ANO3: variants seen among roughly 807,000 people sequenced by gnomAD.
The protein encoded by ANO3 is anoctamin 3, also known as anoctamin-3.
ANO3 carries 99 observed loss-of-function variants against 144.8 expected under a neutral mutation model. The ratio of observed to expected loss-of-function variants is 0.68; its 90% CI spans 0.58 to 0.81. ANO3 has a LOEUF of 0.81. Ranked by LOEUF, ANO3 falls within the 30% of genes least tolerant of loss-of-function variation. ANO3 has a pLI of 0.00. For synonymous variants in ANO3, 414 were observed against 392.6 expected, an observed-to-expected ratio of 1.05 and a Z score of -0.64; for missense variants, 905 against 1,202.2, an observed-to-expected ratio of 0.75 and a Z score of 3.66.
At chr11:26,592,407 C>T (rs937194930) in intron 14 of ANO3, among the ~76,000 whole-genome samples, 1 of 151,842 alleles carries the variant, frequency 6.6e-6, no homozygotes, top group African/African-American at 2.4e-5. Context: ...AAAGCGGTGC[C>T]ATTGACACTC....
chr11:26,563,136 T>TA (rs754005189), intron 14 of ANO3: 5 of 1,612,052 alleles, frequency 3.1e-6, no homozygotes, highest in Non-Finnish European at 4.2e-6. Flanking sequence ...TCTGTCGTCA[T>TA]AAAGTCGCCG....
intron 1 of ANO3, among the ~76,000 whole-genome samples, chr11:26,382,340 G>C (rs1236403944): frequency 7.9e-5 from 12 of 152,216 alleles, no homozygotes; most frequent in Non-Finnish European, 1.2e-4. Flanking sequence ...CAGAATTGGT[G>C]GCTAGCCTGA....
At chr11:26,219,121 G>A (rs987830798) in intron 1 of ANO3, among the ~76,000 whole-genome samples, 132 of 152,212 alleles carry the variant, frequency 8.7e-4, no homozygotes, top group African/African-American at 2.9e-3. Flanking sequence ...TAGCTTCCCC[G>A]ACATCCACCA....
intron 1 of ANO3, among the ~76,000 whole-genome samples, chr11:26,197,124 C>T (rs940851141): frequency 1.3e-5 from 2 of 152,138 alleles, no homozygotes; most frequent in African/African-American, 2.4e-5. Flanking sequence ...TCCTCCTCAT[C>T]CATGGGTGTC....
chr11:26,440,900 G>T (rs1858485777), intron 1 of ANO3, among the ~76,000 whole-genome samples: 1 of 152,076 alleles, frequency 6.6e-6, no homozygotes, highest in South Asian at 2.1e-4. Context: ...AGTGACCTGG[G>T]ATTGACATTA....
chr11:26,293,164 T>G (rs1853999254), intron 1 of ANO3, among the ~76,000 whole-genome samples: 1 of 152,194 alleles, frequency 6.6e-6, no homozygotes, highest in Non-Finnish European at 1.5e-5. Context: ...AAGGTAAATT[T>G]TTCTTCTAAA....
intron 13 of ANO3, among the ~76,000 whole-genome samples, chr11:26,557,868 T>C (rs550970762): frequency 1.8e-4 from 27 of 152,296 alleles, no homozygotes; most frequent in Non-Finnish European, 3.7e-4. Flanking sequence ...ACTGTTCTTG[T>C]TGTCTCTATG....
chr11:26,255,477 G>A (rs1853035819), intron 1 of ANO3, among the ~76,000 whole-genome samples: 2 of 152,104 alleles, frequency 1.3e-5, no homozygotes, highest in African/African-American at 4.8e-5. Flanking sequence ...TGCTTTACGT[G>A]AGAAATCTTA....
chr11:26,488,797 C>T, intron 4 of ANO3, among the ~76,000 whole-genome samples: 1 of 152,144 alleles, frequency 6.6e-6, no homozygotes, highest in East Asian at 1.9e-4. Flanking sequence ...AAGAACAAAG[C>T]TTCCACAGCC....
chr11:26,323,390 T>C (rs1369714301), intron 1 of ANO3, among the ~76,000 whole-genome samples: 1 of 152,182 alleles, frequency 6.6e-6, no homozygotes, highest in Non-Finnish European at 1.5e-5. Context: ...TCCCTATTTC[T>C]GACCACTGGA....
chr11:26,422,427 A>G (rs1477578460), intron 1 of ANO3, among the ~76,000 whole-genome samples: 1 of 152,098 alleles, frequency 6.6e-6, no homozygotes, highest in Non-Finnish European at 1.5e-5. Context: ...ATCTGTAATT[A>G]CATGTCTTGG....
chr11:26,564,728 CACACATATATATATATAT>C (rs1487020517), intron 14 of ANO3, among the ~76,000 whole-genome samples: 121 of 36,094 alleles, frequency 3.4e-3, no homozygotes, highest in African/African-American at 4.3e-3. Context: ...CACACACACA[CACACATATATATATATAT>C]ATATATATAT....
intron 1 of ANO3, among the ~76,000 whole-genome samples, chr11:26,220,022 T>C (rs1852110784): frequency 6.6e-6 from 1 of 152,182 alleles, no homozygotes; most frequent in Admixed American, 6.5e-5. Flanking sequence ...TCTCAGGATA[T>C]TGCATTCTCA....
At chr11:26,339,657 G>A (rs991875089) in intron 1 of ANO3, among the ~76,000 whole-genome samples, 2 of 152,084 alleles carry the variant, frequency 1.3e-5, no homozygotes, top group African/African-American at 4.8e-5. Flanking sequence ...TATTATTTCT[G>A]AACTTGATCA....
intron 1 of ANO3, among the ~76,000 whole-genome samples, chr11:26,356,425 G>C (rs943223939): frequency 6.6e-6 from 1 of 151,974 alleles, no homozygotes; most frequent in Admixed American, 6.5e-5. Context: ...ATATCTGCTA[G>C]GTGTCCACTA....
chr11:26,216,438 T>C (rs1268500404), intron 1 of ANO3, among the ~76,000 whole-genome samples: 2 of 152,040 alleles, frequency 1.3e-5, no homozygotes, highest in African/African-American at 4.8e-5. Flanking sequence ...CCATGTCTTT[T>C]TGTGGCTTGA....
intron 14 of ANO3, among the ~76,000 whole-genome samples, chr11:26,570,433 G>A (rs1048162663): frequency 3.9e-5 from 6 of 152,062 alleles, no homozygotes; most frequent in African/African-American, 1.4e-4. Context: ...TGAAATCGTG[G>A]GTCATACTTA....
At chr11:26,455,474 T>A (rs1012411011) in intron 3 of ANO3, among the ~76,000 whole-genome samples, 5 of 152,152 alleles carry the variant, frequency 3.3e-5, no homozygotes. Context: ...CATTCACAAT[T>A]GCTTCAAAGA....
chr11:26,583,999 C>A (rs1851205638), intron 14 of ANO3, among the ~76,000 whole-genome samples: 1 of 152,156 alleles, frequency 6.6e-6, no homozygotes, highest in Non-Finnish European at 1.5e-5. Context: ...TTCCCTGACC[C>A]CTTCTAATCA....
Sources: allele counts gnomAD v4.1 joint callset (sites outside exome capture counted in the v4.1 genomes callset), GRCh38; gene constraint gnomAD v4.1.1; transcripts MANE v1.5; gene names NCBI Gene and HGNC (gene_info 2026-07-23, HGNC 2026-07-21).